Variants in NRXN3 observed in about 807,000 individuals in gnomAD.
The protein encoded by NRXN3 is neurexin 3.
Under a neutral mutation model 137.6 loss-of-function variants are expected in NRXN3, and 32 were observed. The observed-to-expected ratio is 0.23, with a 90% CI of 0.18 to 0.31. The LOEUF (loss-of-function observed/expected upper bound fraction) is 0.31. Ranked by LOEUF, NRXN3 falls within the 10% of genes least tolerant of loss-of-function variation. The pLI is 1.00. For missense variants in NRXN3, 1,574 were observed against 2,062.5 expected (o/e 0.76, Z 4.59); for synonymous variants, 798 against 784.5 (o/e 1.02, Z -0.29).
chr14:79,020,020 G>A lies in NRXN3; in HGVS notation c.3262+31879G>A, dbSNP rs186588020. 3.8e-3 allele frequency among the ~76,000 whole-genome samples: 575 copies of A among 152,178 alleles called. 3 individuals carry two copies. The highest frequency in any genetic ancestry group is 6.9e-3 in the Middle Eastern group (2 of 290). On this transcript the variant is annotated intron_variant, in intron 15 of 20. Transcript: ENST00000335750. ...GGTCTTGAAGAAGGCAGGAACTGAT[G>A]GTTTGGTCTTAAGAAAAGAAGTGAT... is the stretch of plus-strand genomic sequence containing the variant.
At chr14:79,233,052 C>A (rs1013023827) in intron 15 of NRXN3, among the ~76,000 whole-genome samples, 1 of 152,076 alleles carries the variant, frequency 6.6e-6, no homozygotes, top group Non-Finnish European at 1.5e-5. Context: ...TCTCAAAGTA[C>A]CTTCCCAAAA....
In NRXN3 at chr14:79,449,492, T is replaced by A. The variant is rs75415740; in HGVS notation, c.3263-17729T>A. Among the ~76,000 whole-genome samples the A allele has an allele frequency of 2.9e-3, 436 of 152,336 alleles. 8 individuals are homozygous for A. The East Asian group carries it at 0.045, about 16-fold the overall frequency. On this transcript the variant is annotated intron_variant, in intron 15 of 20. Coordinates refer to ENST00000335750, the MANE Select transcript of NRXN3 (RefSeq NM_001330195.2). ...TTTAGGGAGTATAGAAATTGCTGTT[T>A]AGATTCTGCAGTGAATGAGCTGTAA...
intron 15 of NRXN3, among the ~76,000 whole-genome samples, chr14:79,089,469 T>C (rs1472936902): frequency 1.3e-5 from 2 of 152,140 alleles, no homozygotes; most frequent in Non-Finnish European, 2.9e-5. Flanking sequence ...GTGGGCACTA[T>C]CTTTTCAGAT....
intron 16 of NRXN3, among the ~76,000 whole-genome samples, chr14:79,535,039 G>A (rs1375521360): frequency 6.6e-6 from 1 of 152,140 alleles, no homozygotes; most frequent in Non-Finnish European, 1.5e-5. Context: ...TGTCAAAAGT[G>A]TCTTCTAGAG....
chr14:79,833,503 A>C (rs2099329038), intron 20 of NRXN3, among the ~76,000 whole-genome samples: 1 of 152,096 alleles, frequency 6.6e-6, no homozygotes, highest in Admixed American at 6.6e-5. Context: ...TGTCCTCTTA[A>C]AATTTTTGCT....
Position 78,225,296 on chromosome 14 carries a change from C to T in NRXN3, c.-703-17095C>T, listed in dbSNP as rs530655864. On this transcript the variant is annotated intron_variant, in intron 1 of 20. Coordinates refer to ENST00000335750, the MANE Select transcript of NRXN3 (RefSeq NM_001330195.2). Reference sequence around the variant, plus strand: ...GACTTTTTAATGATCGCCATTCTAACTGGTGTGAGATGGTATCTCATTGTG... The same window carrying T: ...GACTTTTTAATGATCGCCATTCTAATTGGTGTGAGATGGTATCTCATTGTG... Among the ~76,000 whole-genome samples, 95 of 152,324 alleles carry T rather than the reference C, an allele frequency of 6.2e-4. No homozygotes were observed. In the Middle Eastern group the frequency reaches 0.02, roughly 33 times the overall value.
chr14:79,484,493 ACT>A (rs1365762181), intron 16 of NRXN3, among the ~76,000 whole-genome samples: 1 of 151,904 alleles, frequency 6.6e-6, no homozygotes, highest in Non-Finnish European at 1.5e-5. Flanking sequence ...GGAAGGTTTA[ACT>A]CTACTGGGCC....
chr14:78,840,786 G>A (rs948085502), intron 10 of NRXN3, among the ~76,000 whole-genome samples: 1 of 152,138 alleles, frequency 6.6e-6, no homozygotes, highest in African/African-American at 2.4e-5. Flanking sequence ...CACTCGAAGA[G>A]AATTAGTAAA....
intron 20 of NRXN3, among the ~76,000 whole-genome samples, chr14:79,852,865 T>C (rs2099394743): frequency 6.6e-6 from 1 of 151,430 alleles, no homozygotes; most frequent in African/African-American, 2.4e-5. Flanking sequence ...TTATATTATA[T>C]ATATCTATAT....
intron 15 of NRXN3, among the ~76,000 whole-genome samples, chr14:79,075,811 G>A (rs560948440): frequency 1.3e-5 from 2 of 152,302 alleles, no homozygotes; most frequent in South Asian, 4.1e-4. Context: ...TGTGTGGCAG[G>A]CGGGGAGGCA....
At chr14:78,358,933 A>G (rs565483366) in intron 4 of NRXN3, among the ~76,000 whole-genome samples, 9 of 152,272 alleles carry the variant, frequency 5.9e-5, no homozygotes, top group African/African-American at 2.2e-4. Flanking sequence ...CATGGTCTCC[A>G]TTGCTCAAGC....
Position 79,551,101 on chromosome 14 carries a change from A to G in NRXN3, c.3444+83699A>G, listed in dbSNP as rs1281427092. Among the ~76,000 whole-genome samples the G allele has an allele frequency of 2.0e-5, 3 of 152,314 alleles. No homozygotes were observed. In the East Asian group the frequency reaches 5.8e-4, roughly 29 times the overall value. On this transcript the variant is annotated intron_variant, in intron 16 of 20. Coordinates refer to ENST00000335750, the MANE Select transcript of NRXN3 (RefSeq NM_001330195.2). ...CTGAGTCTTGCTTTCCATAGCTATG[A>G]AATGTTCTCAATCACAGTTATCTCC...
At chr14:79,820,385 C>T (rs559536544) in intron 20 of NRXN3, among the ~76,000 whole-genome samples, 4 of 152,112 alleles carry the variant, frequency 2.6e-5, no homozygotes, top group South Asian at 2.1e-4. Context: ...AGGTGAATAA[C>T]GTGTTCTACC....
intron 19 of NRXN3, among the ~76,000 whole-genome samples, chr14:79,752,339 A>C (rs1441115054): frequency 6.6e-6 from 1 of 152,124 alleles, no homozygotes; most frequent in East Asian, 1.9e-4. Context: ...TACAGTAACC[A>C]AAACAGCATG....
chr14:78,872,675 C>A (rs1326154509), intron 10 of NRXN3, among the ~76,000 whole-genome samples: 3 of 152,042 alleles, frequency 2.0e-5, no homozygotes, highest in African/African-American at 7.2e-5. Context: ...TGGGGATCTA[C>A]CCATTTTATT....
intron 4 of NRXN3, among the ~76,000 whole-genome samples, chr14:78,577,863 C>G (rs949016120): frequency 1.3e-5 from 2 of 152,162 alleles, no homozygotes; most frequent in Non-Finnish European, 2.9e-5. Context: ...TGGTTTAATG[C>G]TCTCTTGAGA....
intron 15 of NRXN3, among the ~76,000 whole-genome samples, chr14:79,378,933 T>A (rs934167931): frequency 6.6e-6 from 1 of 151,846 alleles, no homozygotes; most frequent in Non-Finnish European, 1.5e-5. Flanking sequence ...GGCTTTGAAG[T>A]TGATCCATGT....
At chr14:78,790,660 TTGC>T (rs1658215255) in intron 8 of NRXN3, among the ~76,000 whole-genome samples, 1 of 152,276 alleles carries the variant, frequency 6.6e-6, no homozygotes, top group Non-Finnish European at 1.5e-5. Context: ...GTGATGCCAG[TTGC>T]TGCATGAATG....
At chr14:78,939,541 G>A (rs141088034) in intron 10 of NRXN3, among the ~76,000 whole-genome samples, 71 of 152,322 alleles carry the variant, frequency 4.7e-4, no homozygotes, top group Middle Eastern at 3.4e-3. Context: ...CACTGGTCCT[G>A]TTACACCATT....
Sources: gnomAD v4.1 joint callset for allele counts (sites outside exome capture counted in the v4.1 genomes callset) on GRCh38, gnomAD v4.1.1 for gene constraint, MANE v1.5 for transcripts, NCBI Gene and HGNC (gene_info 2026-07-23, HGNC 2026-07-21) for gene names.